The following CFH variants were observed in gnomAD, a reference collection of about 807,000 sequenced individuals.
CFH encodes complement factor H, also known as H factor 1 (complement).
A neutral mutation model predicts 147.3 loss-of-function variants in CFH; 53 were observed. That is an observed-to-expected ratio of 0.36 (90% confidence interval 0.29 to 0.45). The LOEUF (loss-of-function observed/expected upper bound fraction) is 0.45, where lower values mean the gene tolerates loss of function less well. CFH is among the 20% of genes least tolerant of loss of function. The pLI is 1.00. For missense variants in CFH, 1,380 were observed against 1,498.0 expected, an observed-to-expected ratio of 0.92 and a Z score of 1.30; for synonymous variants, 536 against 489.4, an observed-to-expected ratio of 1.10 and a Z score of -1.26.
chr1:196,687,216 T>C (rs764844527), intron 7 of CFH, among the ~76,000 whole-genome samples: 17 of 152,184 alleles, frequency 1.1e-4, no homozygotes, highest in Non-Finnish European at 2.4e-4. Flanking sequence ...GAGCCAACTT[T>C]ATGATGGAAA....
In CFH at chr1:196,672,983, A is replaced by G. The variant is rs761662067; in HGVS notation, c.64A>G (p.Asn22Asp). The change falls in exon 2 of 22, where the codon AAT becomes GAT. Residue 22 changes from asparagine to aspartate, a missense_variant. Asn to Asp is a conservative substitution (Grantham distance 23). Transcript: ENST00000367429. ...LWAICVAEDCNELPPRRNTEI... is the reference protein window; with the variant it reads ...LWAICVAEDCDELPPRRNTEI... The stretch of plus-strand genomic sequence containing the variant: ...TTTGTTTTTATTGTTTGTAGATTGC[A>G]ATGAACTTCCTCCAAGAAGAAATAC... 6.2e-7 allele frequency: 1 copy of G among 1,613,808 alleles called. No individual in the cohort carries two copies. Among genetic ancestry groups the G allele is most frequent in the Non-Finnish European group, 8.5e-7 (1 of 1,179,794 alleles).
At position 196,715,495 on chromosome 1, in the gene CFH, G is replaced by T. The variant is rs203674; in HGVS notation, c.1520-98G>T. Reference sequence around the variant, plus strand: ...TTTGTACGGTACCTATTTATTAGTAGATCTAATCAATAAAGCTTTTTCTTC... The same window carrying T: ...TTTGTACGGTACCTATTTATTAGTATATCTAATCAATAAAGCTTTTTCTTC... On this transcript the variant is annotated intron_variant, in intron 10 of 21. Coordinates refer to ENST00000367429, the MANE Select transcript of CFH (RefSeq NM_000186.4). 0.63 allele frequency: 586,889 copies of T among 934,154 alleles called. 188,747 individuals carry two copies. Among genetic ancestry groups the T allele is most frequent in the East Asian group, 0.94 (37,945 of 40,360 alleles). 57.9% of individuals were successfully genotyped at this position (934,154 alleles called of 1,614,324 possible). A position where few individuals can be genotyped will look rare whatever the true frequency, so the allele number is the denominator to read the frequency against.
intron 11 of CFH, among the ~76,000 whole-genome samples, chr1:196,716,503 ATTTCTAGTTT>A (rs1265110134): frequency 6.6e-6 from 1 of 152,064 alleles, no homozygotes; most frequent in Non-Finnish European, 1.5e-5. Flanking sequence ...GTATAATTTG[ATTTCTAGTTT>A]TGTTGGATTG....
chr1:196,717,324 TGTTA>T (rs1366202999), intron 11 of CFH, among the ~76,000 whole-genome samples: 23 of 152,136 alleles, frequency 1.5e-4, no homozygotes, highest in African/African-American at 4.1e-4. Context: ...CAAAGGATTG[TGTTA>T]GTTAGCAGAC....
intron 1 of CFH, among the ~76,000 whole-genome samples, chr1:196,670,804 GT>G (rs1422803188): frequency 3.3e-5 from 5 of 152,088 alleles, no homozygotes; most frequent in African/African-American, 4.8e-5. Context: ...CATTTTGGGG[GT>G]TTTTAGAAAT....
intron 1 of CFH, among the ~76,000 whole-genome samples, chr1:196,669,656 G>A (rs942897573): frequency 1.3e-5 from 2 of 152,228 alleles, no homozygotes; most frequent in Non-Finnish European, 2.9e-5. Flanking sequence ...TTCAGAAAAT[G>A]TATATAAGTG....
chr1:196,690,791 T>G (rs1437660139), intron 9 of CFH, among the ~76,000 whole-genome samples: 2 of 152,116 alleles, frequency 1.3e-5, no homozygotes, highest in Non-Finnish European at 2.9e-5. Context: ...GGTGTGACAT[T>G]TACATAATAT....
chr1:196,655,124 G>A (rs774056808), intron 1 of CFH, among the ~76,000 whole-genome samples: 1 of 151,868 alleles, frequency 6.6e-6, no homozygotes, highest in Non-Finnish European at 1.5e-5. Flanking sequence ...GTTAAATTTA[G>A]TATTATTCAT....
rs111869506 is a variant in CFH, at chr1:196,725,108, T to C, written c.1697-13T>C. 10 of 1,604,362 alleles carry C rather than the reference T, an allele frequency of 6.2e-6. No homozygotes were observed. The highest frequency in any genetic ancestry group is 2.7e-5 in the African/African-American group (2 of 74,804). On this transcript the variant is annotated splice_polypyrimidine_tract_variant and intron_variant, in intron 11 of 21. Transcript: ENST00000367429. ...ATTATATATTCTCATGAAATTATTT[T>C]ACCTTTTTCAAGAAAGAGAATGCGA...
intron 10 of CFH, among the ~76,000 whole-genome samples, chr1:196,714,918 C>G (rs1202262368): frequency 6.6e-6 from 1 of 151,174 alleles, no homozygotes; most frequent in Non-Finnish European, 1.5e-5. Flanking sequence ...CCAGGCTGGT[C>G]TCGAACTCTT....
intron 17 of CFH, among the ~76,000 whole-genome samples, chr1:196,738,589 A>G (rs1210311430): frequency 6.6e-6 from 1 of 152,220 alleles, no homozygotes; most frequent in Non-Finnish European, 1.5e-5. Flanking sequence ...TTCCAAGATT[A>G]TCTCCTTTGA....
chr1:196,715,871 A>G, intron 11 of CFH, 102 bp downstream of exon 11: 2 of 978,756 alleles, frequency 2.0e-6, no homozygotes, highest in South Asian at 3.5e-5. Context: ...AGGAATGTTG[A>G]TTAAAATCAA....
chr1:196,666,503 C>T (rs1667091893), intron 1 of CFH, among the ~76,000 whole-genome samples: 1 of 151,588 alleles, frequency 6.6e-6, no homozygotes, highest in South Asian at 2.1e-4. Context: ...ATAAGTGTTG[C>T]TTGCCAAGTG....
chr1:196,732,280 C>A (rs1370006639), intron 15 of CFH, among the ~76,000 whole-genome samples: 1 of 151,754 alleles, frequency 6.6e-6, no homozygotes, highest in Non-Finnish European at 1.5e-5. Flanking sequence ...TGATGAATAC[C>A]TCTTTAAAAC....
chr1:196,738,232 A>G (rs1463793480), intron 17 of CFH, among the ~76,000 whole-genome samples: 1 of 152,170 alleles, frequency 6.6e-6, no homozygotes, highest in Non-Finnish European at 1.5e-5. Flanking sequence ...TCAAATTGTT[A>G]TTTGGTTGGA....
chr1:196,728,655 T>A, intron 15 of CFH, 133 bp downstream of exon 15: 1 of 827,430 alleles, frequency 1.2e-6, no homozygotes, highest in Non-Finnish European at 2.0e-6. Flanking sequence ...AACTAGAAAC[T>A]AATGAAAACA....
intron 21 of CFH, 69 bp from the exon 22 acceptor site, chr1:196,747,042 G>C: frequency 1.9e-6 from 3 of 1,600,066 alleles, no homozygotes; most frequent in Non-Finnish European, 2.6e-6. Context: ...CATTCTACTT[G>C]AAAACCTGAA....
chr1:196,659,662 G>A (rs368456140), intron 1 of CFH, among the ~76,000 whole-genome samples: 1 of 152,168 alleles, frequency 6.6e-6, no homozygotes. Context: ...TTGGGTCATT[G>A]CTGTGGAAAG....
chr1:196,737,100 T>C, intron 16 of CFH, 94 bp downstream of exon 16: 2 of 1,077,102 alleles, frequency 1.9e-6, no homozygotes, highest in Non-Finnish European at 2.8e-6. Flanking sequence ...TCTTTCTCTG[T>C]GTCTATTACT....
Sources: allele counts gnomAD v4.1 joint callset (sites outside exome capture counted in the v4.1 genomes callset), GRCh38; gene constraint gnomAD v4.1.1; transcripts MANE v1.5; gene names NCBI Gene and HGNC (gene_info 2026-07-23, HGNC 2026-07-21).